The following PPARGC1A variants were observed in gnomAD, a reference collection of about 807,000 sequenced individuals.
PPARGC1A encodes the protein peroxisome proliferator-activated receptor gamma coactivator 1-alpha.
A neutral mutation model predicts 88.7 loss-of-function variants in PPARGC1A; 25 were observed. The observed-to-expected ratio is 0.28, with a 90% CI of 0.21 to 0.39. PPARGC1A has a LOEUF of 0.39. Among genes scored for constraint, PPARGC1A ranks in the 10% least tolerant of loss-of-function variants. The pLI is 1.00. For missense variants in PPARGC1A, 880 were observed against 968.7 expected (o/e 0.91, Z 1.22); for synonymous variants, 363 against 355.6 (o/e 1.02, Z -0.24).
At chr4:24,289,936 G>A in the PPARGC1A span, among the ~76,000 whole-genome samples, 3 of 152,278 alleles carry the variant, frequency 2.0e-5, no homozygotes, top group East Asian at 1.9e-4. Flanking sequence ...ATGGCTGGGG[G>A]GGCCTCCCAA....
chr4:23,958,966 G>A, the PPARGC1A span, among the ~76,000 whole-genome samples: 1 of 149,980 alleles, frequency 6.7e-6, no homozygotes, highest in Admixed American at 6.7e-5. Context: ...CCTAGAACTT[G>A]AGTATGCAAA....
chr4:24,435,747 A>C, the PPARGC1A span, among the ~76,000 whole-genome samples: 139 of 152,288 alleles, frequency 9.1e-4, no homozygotes, highest in African/African-American at 3.2e-3. Flanking sequence ...TGATTTTTTA[A>C]AATTTCCATT....
chr4:24,421,124 G>C, the PPARGC1A span, among the ~76,000 whole-genome samples: 4 of 152,004 alleles, frequency 2.6e-5, no homozygotes, highest in Non-Finnish European at 4.4e-5. Context: ...TGCACACTCA[G>C]ATCATAACAC....
chr4:23,993,436 G>A, the PPARGC1A span, among the ~76,000 whole-genome samples: 12 of 152,282 alleles, frequency 7.9e-5, 1 homozygote, highest in East Asian at 2.3e-3. Flanking sequence ...ATCAGAAAGT[G>A]TTTACCAACT....
chr4:24,034,878 T>G, the PPARGC1A span, among the ~76,000 whole-genome samples: 1 of 152,088 alleles, frequency 6.6e-6, no homozygotes, highest in South Asian at 2.1e-4. Context: ...TGGTCTCAAG[T>G]CTGTTGGGAA....
chr4:24,393,864 A>G, the PPARGC1A span, among the ~76,000 whole-genome samples: 1 of 152,230 alleles, frequency 6.6e-6, no homozygotes, highest in Non-Finnish European at 1.5e-5. Flanking sequence ...CACATCTGTC[A>G]TCTCAATGTT....
the PPARGC1A span, among the ~76,000 whole-genome samples, chr4:24,224,342 G>A: frequency 1.3e-5 from 2 of 152,320 alleles, no homozygotes; most frequent in African/African-American, 2.4e-5. Context: ...AGGTTGCTGA[G>A]GAGATGGGAA....
At chr4:24,125,390 CT>C in the PPARGC1A span, among the ~76,000 whole-genome samples, 3 of 152,112 alleles carry the variant, frequency 2.0e-5, no homozygotes, top group African/African-American at 7.2e-5. Context: ...CAACTATTCA[CT>C]CTCTTTCTGA....
chr4:24,102,576 A>G, the PPARGC1A span, among the ~76,000 whole-genome samples: 1 of 152,246 alleles, frequency 6.6e-6, no homozygotes, highest in Non-Finnish European at 1.5e-5. Flanking sequence ...TTAACAGCAA[A>G]GAGATGCAAA....
the PPARGC1A span, among the ~76,000 whole-genome samples, chr4:24,311,964 A>G: frequency 6.6e-6 from 1 of 152,226 alleles, no homozygotes; most frequent in South Asian, 2.1e-4. Context: ...TGTCTGAGAT[A>G]AAAACTGTTT....
the PPARGC1A span, among the ~76,000 whole-genome samples, chr4:24,038,725 T>C: frequency 1.3e-5 from 2 of 152,232 alleles, no homozygotes; most frequent in Non-Finnish European, 2.9e-5. Flanking sequence ...TCTTCAGTCG[T>C]GTTTATGAAG....
the PPARGC1A span, among the ~76,000 whole-genome samples, chr4:23,956,984 C>T: frequency 1.3e-5 from 2 of 152,088 alleles, no homozygotes; most frequent in African/African-American, 4.8e-5. Flanking sequence ...GCTTCAATTG[C>T]ACCAAGTTAC....
the PPARGC1A span, among the ~76,000 whole-genome samples, chr4:24,191,708 C>G: frequency 2.0e-5 from 3 of 152,274 alleles, no homozygotes; most frequent in Non-Finnish European, 2.9e-5. Flanking sequence ...AATTTCATCT[C>G]GCAGAGGAGG....
chr4:23,849,338 C>T (rs913843242), intron 2 of PPARGC1A, among the ~76,000 whole-genome samples: 1 of 152,138 alleles, frequency 6.6e-6, no homozygotes, highest in Non-Finnish European at 1.5e-5. Flanking sequence ...GCTAGGAAAC[C>T]GTATGCCATG....
At chr4:24,422,240 A>T in the PPARGC1A span, among the ~76,000 whole-genome samples, 1 of 152,246 alleles carries the variant, frequency 6.6e-6, no homozygotes, top group Non-Finnish European at 1.5e-5. Context: ...CATGTGGCTC[A>T]TGAAGCCTAT....
At chr4:24,385,310 C>A in the PPARGC1A span, among the ~76,000 whole-genome samples, 2 of 152,062 alleles carry the variant, frequency 1.3e-5, no homozygotes, top group Non-Finnish European at 2.9e-5. Flanking sequence ...AAAATCGACA[C>A]CCTAATATCA....
At chr4:24,454,460 G>T in the PPARGC1A span, among the ~76,000 whole-genome samples, 1 of 152,146 alleles carries the variant, frequency 6.6e-6, no homozygotes, top group Non-Finnish European at 1.5e-5. Flanking sequence ...CTTGGGCCCA[G>T]TGCAGTGGTT....
chr4:24,437,047 T>A, the PPARGC1A span, among the ~76,000 whole-genome samples: 949 of 152,354 alleles, frequency 6.2e-3, 8 homozygotes, highest in African/African-American at 0.022. Flanking sequence ...TTCCTCCCCA[T>A]TAGATGTGAA....
the PPARGC1A span, among the ~76,000 whole-genome samples, chr4:24,297,121 G>A: frequency 5.3e-5 from 8 of 152,130 alleles, no homozygotes; most frequent in Non-Finnish European, 1.2e-4. Context: ...CTCGAAGCTA[G>A]TGCATTAGAA....
Sources: gnomAD v4.1 joint callset for allele counts (sites outside exome capture counted in the v4.1 genomes callset) on GRCh38, gnomAD v4.1.1 for gene constraint, MANE v1.5 for transcripts, NCBI Gene and HGNC (gene_info 2026-07-23, HGNC 2026-07-21) for gene names.